TTC28: variants seen among roughly 807,000 people sequenced by gnomAD.
TTC28 encodes the protein tetratricopeptide repeat protein 28.
In TTC28, 61 loss-of-function variants were observed where a neutral mutation model predicts 198.0. The observed-to-expected ratio is 0.31, with a 90% CI of 0.25 to 0.38. The LOEUF (loss-of-function observed/expected upper bound fraction) is 0.38. Ranked by LOEUF, TTC28 falls within the 10% of genes least tolerant of loss-of-function variation. The probability of loss-of-function intolerance (pLI) is 1.00; values close to 1 mark genes in which losing one functional copy is unlikely to be tolerated. For missense variants in TTC28, 2,678 were observed against 3,164.0 expected (o/e 0.85, Z 3.69); for synonymous variants, 1,171 against 1,297.8 (o/e 0.90, Z 2.10).
At chr22:28,488,694 G>A (rs1431791485) in intron 2 of TTC28, among the ~76,000 whole-genome samples, 1 of 152,088 alleles carries the variant, frequency 6.6e-6, no homozygotes, top group East Asian at 1.9e-4. Context: ...GGGCTTGTAG[G>A]TAAGGGAAAG....
intron 12 of TTC28, among the ~76,000 whole-genome samples, chr22:28,067,582 C>A (rs16985925): frequency 0.02 from 2,983 of 152,280 alleles, 31 homozygotes; most frequent in Non-Finnish European, 0.026. Context: ...GTGACATCTA[C>A]AAACCTACGA....
intron 1 of TTC28, among the ~76,000 whole-genome samples, chr22:28,674,510 C>T (rs2051946204): frequency 6.6e-6 from 1 of 151,856 alleles, no homozygotes; most frequent in Non-Finnish European, 1.5e-5. Flanking sequence ...ATATGAGAAC[C>T]ATAAGATGCG....
intron 5 of TTC28, among the ~76,000 whole-genome samples, chr22:28,226,448 CAG>C (rs894410637): frequency 6.6e-6 from 1 of 152,104 alleles, no homozygotes; most frequent in Non-Finnish European, 1.5e-5. Context: ...TTTTATGAGA[CAG>C]AGTCTCACTC....
At chr22:28,584,545 T>TA (rs1296077245) in intron 2 of TTC28, among the ~76,000 whole-genome samples, 2 of 152,226 alleles carry the variant, frequency 1.3e-5, no homozygotes, top group African/African-American at 4.8e-5. Context: ...AAGTAGCCAT[T>TA]AGTCACATGT....
intron 6 of TTC28, among the ~76,000 whole-genome samples, chr22:28,134,688 T>C (rs941232217): frequency 5.3e-5 from 8 of 152,108 alleles, no homozygotes; most frequent in Admixed American, 3.9e-4. Flanking sequence ...CTAAGAAATA[T>C]AGGACTACGT....
intron 13 of TTC28, among the ~76,000 whole-genome samples, chr22:28,025,260 G>T (rs549116340): frequency 2.6e-5 from 4 of 152,228 alleles, no homozygotes; most frequent in Admixed American, 2.0e-4. Context: ...ACTCAAGGTG[G>T]GGAGAGAAAG....
intron 5 of TTC28, among the ~76,000 whole-genome samples, chr22:28,209,886 C>G (rs915230691): frequency 1.3e-5 from 2 of 152,170 alleles, no homozygotes; most frequent in African/African-American, 4.8e-5. Context: ...AGACACCTCC[C>G]AGTAGGGGCC....
intron 2 of TTC28, among the ~76,000 whole-genome samples, chr22:28,318,499 C>A (rs1027444389): frequency 4.6e-5 from 7 of 152,138 alleles, no homozygotes; most frequent in African/African-American, 1.7e-4. Flanking sequence ...GACTTTTGTT[C>A]TCCTCCCTTG....
At chr22:28,055,612 T>C (rs1447743324) in intron 12 of TTC28, among the ~76,000 whole-genome samples, 1 of 152,196 alleles carries the variant, frequency 6.6e-6, no homozygotes, top group East Asian at 1.9e-4. Flanking sequence ...AACAACTCTA[T>C]GAGGCAACGA....
chr22:28,526,851 G>C (rs1185654074), intron 2 of TTC28, among the ~76,000 whole-genome samples: 2 of 151,972 alleles, frequency 1.3e-5, no homozygotes. Context: ...CCGCCTCCCA[G>C]GTACAAGTGA....
intron 5 of TTC28, among the ~76,000 whole-genome samples, chr22:28,230,234 G>A (rs1928698360): frequency 6.6e-6 from 1 of 152,168 alleles, no homozygotes; most frequent in Non-Finnish European, 1.5e-5. Context: ...TGTTATATGA[G>A]AGATACAGCA....
At position 28,386,274 on chromosome 22, in the gene TTC28, C is replaced by CAACAAAAA. The variant is rs1450364889; in HGVS notation, c.382-79632_382-79631insTTTTTGTT. Among the ~76,000 whole-genome samples, 3 of 52,220 alleles carry CAACAAAAA rather than the reference C, an allele frequency of 5.7e-5. No individual in the cohort carries two copies. The East Asian group carries it at 3.6e-3, about 62-fold the overall frequency. 34.3% of individuals were successfully genotyped at this position (52,220 alleles called of 152,430 possible). A position where few individuals can be genotyped will look rare whatever the true frequency, so the allele number is the denominator to read the frequency against. On this transcript the variant is annotated intron_variant, in intron 2 of 22. Transcript: ENST00000397906. The stretch of plus-strand genomic sequence containing the variant: ...TGGGCGACAGAGCGAGACTCCGTCT[C>CAACAAAAA]AAAAAAAAAAAAAAAAAAAAAAAAA...
chr22:28,191,600 G>A (rs897378484), intron 5 of TTC28, among the ~76,000 whole-genome samples: 5 of 152,228 alleles, frequency 3.3e-5, no homozygotes, highest in Admixed American at 1.3e-4. Context: ...CTAATACTGC[G>A]CTTTTCCAAC....
chr22:28,612,863 G>A (rs1422269493), intron 2 of TTC28, among the ~76,000 whole-genome samples: 1 of 152,134 alleles, frequency 6.6e-6, no homozygotes, highest in Non-Finnish European at 1.5e-5. Context: ...AGCACTAAAT[G>A]CCCATGAGAA....
intron 2 of TTC28, among the ~76,000 whole-genome samples, chr22:28,388,725 C>T (rs1329399692): frequency 6.6e-6 from 1 of 152,162 alleles, no homozygotes; most frequent in African/African-American, 2.4e-5. Flanking sequence ...TGCTTATCAG[C>T]TTAAGGAGAT....
At chr22:28,345,246 G>A (rs2045887299) in intron 2 of TTC28, among the ~76,000 whole-genome samples, 1 of 152,110 alleles carries the variant, frequency 6.6e-6, no homozygotes. Flanking sequence ...AAAGGAATAT[G>A]TCATACTACA....
intron 6 of TTC28, among the ~76,000 whole-genome samples, chr22:28,117,912 G>A (rs1026630478): frequency 6.6e-6 from 1 of 152,112 alleles, no homozygotes; most frequent in Non-Finnish European, 1.5e-5. Context: ...TAATTTAATT[G>A]TACATTTAAA....
At chr22:28,410,292 A>C (rs1246938794) in intron 2 of TTC28, among the ~76,000 whole-genome samples, 1 of 152,162 alleles carries the variant, frequency 6.6e-6, no homozygotes, top group Non-Finnish European at 1.5e-5. Flanking sequence ...CAATGACTTG[A>C]GGAAGTTATT....
chr22:28,451,112 A>G (rs73882751), intron 2 of TTC28, among the ~76,000 whole-genome samples: 1,677 of 152,320 alleles, frequency 0.011, 27 homozygotes, highest in African/African-American at 0.038. Context: ...TTGGCTGAAC[A>G]CTAAGTTGCC....
Sources: allele counts gnomAD v4.1 joint callset (sites outside exome capture counted in the v4.1 genomes callset), GRCh38; gene constraint gnomAD v4.1.1; transcripts MANE v1.5; gene names NCBI Gene and HGNC (gene_info 2026-07-23, HGNC 2026-07-21).